The following AK9 variants were observed in gnomAD, a reference collection of about 807,000 sequenced individuals.
AK9 encodes adenylate kinase 9.
A neutral mutation model predicts 239.6 loss-of-function variants in AK9; 191 were observed. That is an observed-to-expected ratio of 0.80 (90% CI 0.71 to 0.90). The LOEUF is 0.90. Ranked by LOEUF, AK9 falls within the 40% of genes least tolerant of loss-of-function variation. The probability of loss-of-function intolerance (pLI) is 0.00; values close to 1 mark genes in which losing one functional copy is unlikely to be tolerated. For synonymous variants in AK9, 689 were observed against 721.0 expected, an observed-to-expected ratio of 0.96 and a Z score of 0.71; for missense variants, 1,995 against 2,214.7, an observed-to-expected ratio of 0.90 and a Z score of 1.99.
chr6:109,564,526 C>CTT (rs1786214774), intron 22 of AK9, among the ~76,000 whole-genome samples: 1 of 151,996 alleles, frequency 6.6e-6, no homozygotes, highest in Non-Finnish European at 1.5e-5. Flanking sequence ...CTTAAGGAAA[C>CTT]TTTAACGGTT....
intron 13 of AK9, among the ~76,000 whole-genome samples, chr6:109,616,119 C>T (rs1562498094): frequency 6.6e-6 from 1 of 151,814 alleles, no homozygotes; most frequent in Non-Finnish European, 1.5e-5. Flanking sequence ...AATTGCTTAC[C>T]TACATAATTA....
chr6:109,569,549 C>G (rs1034384226), intron 21 of AK9, among the ~76,000 whole-genome samples: 2 of 152,134 alleles, frequency 1.3e-5, no homozygotes, highest in Admixed American at 6.6e-5. Context: ...GGGCTAGTAT[C>G]CAGAATCCAC....
Position 109,516,592 on chromosome 6 carries a change from GTCT to G in AK9, c.3681_3683del (p.Glu1227del), listed in dbSNP as rs1779297417. ...CAAGGATGTTTTCAATATCATCATT[GTCT>G]TCTTCAAGTTCTTCCTCACTAATCT... On this transcript the variant is annotated inframe_deletion, in exon 30 of 41. Coordinates refer to ENST00000424296, the MANE Select transcript of AK9 (RefSeq NM_001145128.3). 2 of 1,550,526 alleles carry G rather than the reference GTCT, an allele frequency of 1.3e-6. No individual in the cohort carries two copies. Among genetic ancestry groups the G allele is most frequent in the Non-Finnish European group, 1.7e-6 (2 of 1,146,824 alleles).
intron 24 of AK9, among the ~76,000 whole-genome samples, chr6:109,554,032 T>C (rs1212697471): frequency 1.3e-5 from 2 of 152,224 alleles, no homozygotes; most frequent in African/African-American, 4.8e-5. Flanking sequence ...GAACCAGCCT[T>C]GCATCCCAGG....
At chr6:109,620,860 C>T (rs1006804772) in intron 12 of AK9, among the ~76,000 whole-genome samples, 4 of 150,980 alleles carry the variant, frequency 2.6e-5, no homozygotes, top group African/African-American at 7.3e-5. Flanking sequence ...CATATATATA[C>T]ATATACAAAC....
chr6:109,670,651 G>A (rs11963170), intron 5 of AK9, among the ~76,000 whole-genome samples: 6,658 of 151,562 alleles, frequency 0.044, 473 homozygotes, highest in African/African-American at 0.15. Context: ...CTTTTTTGTA[G>A]CCATGTAAAC....
At chr6:109,579,102 T>C (rs1788493998) in intron 20 of AK9, among the ~76,000 whole-genome samples, 1 of 152,176 alleles carries the variant, frequency 6.6e-6, no homozygotes. Flanking sequence ...ACTGTTACAG[T>C]GAGTTATATA....
At chr6:109,622,495 T>C (rs1185967840) in intron 12 of AK9, among the ~76,000 whole-genome samples, 1 of 126,102 alleles carries the variant, frequency 7.9e-6, no homozygotes, top group Non-Finnish European at 1.6e-5. Flanking sequence ...ATAGTGTTAA[T>C]ATTATATTAC....
intron 17 of AK9, among the ~76,000 whole-genome samples, chr6:109,591,364 G>A (rs1790218045): frequency 6.6e-6 from 1 of 151,798 alleles, no homozygotes; most frequent in African/African-American, 2.4e-5. Context: ...GTTTCCATCT[G>A]TATGGAATAT....
chr6:109,532,584 T>C (rs180800419), intron 28 of AK9, among the ~76,000 whole-genome samples: 12 of 152,350 alleles, frequency 7.9e-5, no homozygotes, highest in African/African-American at 2.9e-4. Flanking sequence ...TATCAATAGG[T>C]CATTCCTTCT....
intron 17 of AK9, among the ~76,000 whole-genome samples, chr6:109,593,801 A>G (rs1418572975): frequency 6.6e-6 from 1 of 152,222 alleles, no homozygotes; most frequent in Non-Finnish European, 1.5e-5. Flanking sequence ...AAGGCCTTCA[A>G]CAAAATTCAA....
intron 20 of AK9, 88 bp downstream of exon 20, chr6:109,579,462 C>T (rs1788539377): frequency 7.9e-7 from 1 of 1,272,944 alleles, no homozygotes; most frequent in Non-Finnish European, 1.1e-6. Flanking sequence ...GAAATGTGAT[C>T]ACCCAGTCTA....
chr6:109,564,892 T>G (rs1215856296), intron 21 of AK9, 47 bp from the exon 22 acceptor site: 45 of 1,379,012 alleles, frequency 3.3e-5, no homozygotes, highest in Non-Finnish European at 4.2e-5. Context: ...GAAAACATTA[T>G]TCCTTTATGA....
intron 26 of AK9, among the ~76,000 whole-genome samples, chr6:109,543,989 C>T (rs1345072391): frequency 6.6e-6 from 1 of 151,906 alleles, no homozygotes; most frequent in African/African-American, 2.4e-5. Flanking sequence ...CATGGTGGTG[C>T]ATGCCTGCAG....
At position 109,614,158 on chromosome 6, in the gene AK9, T is replaced by C. The variant is rs184344161; in HGVS notation, c.1609+25A>G. 2.0e-4 allele frequency: 305 copies of C among 1,503,972 alleles called. No individual in the cohort carries two copies. In the East Asian group the frequency reaches 7.2e-3, roughly 36 times the overall value. 93.2% of individuals were successfully genotyped at this position (1,503,972 alleles called of 1,614,324 possible). A position where few individuals can be genotyped will look rare whatever the true frequency, so the allele number is the denominator to read the frequency against. ...TAAATGAAAATGAGATCCACAAACG[T>C]GGGATTAGCAGTTCACTTTGTTACC... On this transcript the variant is annotated intron_variant, in intron 15 of 40. Transcript: ENST00000424296.
At chr6:109,497,024 C>G (rs748706023) in intron 38 of AK9, among the ~76,000 whole-genome samples, 7 of 152,164 alleles carry the variant, frequency 4.6e-5, no homozygotes, top group African/African-American at 7.2e-5. Flanking sequence ...CTCGCCTTCA[C>G]TCCGTCCCCT....
intron 25 of AK9, among the ~76,000 whole-genome samples, chr6:109,549,414 C>A (rs534856450): frequency 6.6e-6 from 1 of 152,276 alleles, no homozygotes; most frequent in African/African-American, 2.4e-5. Flanking sequence ...TTCCACTCTT[C>A]TCCAAAATCC....
chr6:109,603,854 C>T (rs1020414522), intron 17 of AK9, among the ~76,000 whole-genome samples: 26 of 152,280 alleles, frequency 1.7e-4, no homozygotes, highest in African/African-American at 5.8e-4. Context: ...GCTCTCTGGG[C>T]GTGGGACCCT....
At chr6:109,526,048 C>T (rs1582840149) in intron 29 of AK9, among the ~76,000 whole-genome samples, 3 of 152,154 alleles carry the variant, frequency 2.0e-5, no homozygotes, top group Admixed American at 1.3e-4. Flanking sequence ...AGAAAACCAA[C>T]TACTGCATGT....
Sources: allele counts gnomAD v4.1 joint callset (sites outside exome capture counted in the v4.1 genomes callset), GRCh38; gene constraint gnomAD v4.1.1; transcripts MANE v1.5; gene names NCBI Gene and HGNC (gene_info 2026-07-23, HGNC 2026-07-21).